TECPR2: variants seen among roughly 807,000 people sequenced by gnomAD.
TECPR2 encodes the protein tectonin beta-propeller repeat containing 2.
A neutral mutation model predicts 138.1 loss-of-function variants in TECPR2; 65 were observed. The observed-to-expected ratio is 0.47, with a 90% confidence interval of 0.39 to 0.58. The LOEUF is 0.58. TECPR2 is among the 20% of genes least tolerant of loss of function. The pLI, the probability that TECPR2 is intolerant of heterozygous loss-of-function variation, is 0.00. For missense variants in TECPR2, 1,553 were observed against 1,824.5 expected, an observed-to-expected ratio of 0.85 and a Z score of 2.71; for synonymous variants, 746 against 749.8, an observed-to-expected ratio of 0.99 and a Z score of 0.08.
At chr14:102,498,058 A>G in intron 19 of TECPR2, 45 bp from the exon 20 acceptor site, 8 of 1,049,050 alleles carry the variant, frequency 7.6e-6, no homozygotes, top group Middle Eastern at 2.7e-4. Flanking sequence ...CCCACCCCAC[A>G]GGCTGTGTGA....
At chr14:102,411,386 G>C (rs1343073573) in intron 4 of TECPR2, among the ~76,000 whole-genome samples, 1 of 152,242 alleles carries the variant, frequency 6.6e-6, no homozygotes, top group Non-Finnish European at 1.5e-5. Context: ...AATCACAAAA[G>C]AAGTGAATAT....
At chr14:102,378,858 C>T (rs1887710641) in intron 2 of TECPR2, among the ~76,000 whole-genome samples, 1 of 152,152 alleles carries the variant, frequency 6.6e-6, no homozygotes, top group Non-Finnish European at 1.5e-5. Flanking sequence ...CTCCTGACGT[C>T]AGGTGATCCA....
Position 102,449,567 on chromosome 14 carries a change from G to A in TECPR2, c.3076-62G>A, listed in dbSNP as rs76998408. On this transcript the variant is annotated intron_variant, in intron 13 of 19. Coordinates refer to ENST00000359520, the MANE Select transcript of TECPR2 (RefSeq NM_014844.5). ...ACCTGAGCTAGAACCTTCCCTCAAG[G>A]CAGAGAGTCTACACTTGTAACTGCT... 54,978 of 1,597,606 alleles carry A rather than the reference G, an allele frequency of 0.034. 1,112 individuals carry two copies. Among genetic ancestry groups the A allele is most frequent in the Admixed American group, 0.057 (3,366 of 59,442 alleles).
At chr14:102,451,914 C>T (rs993093804) in intron 15 of TECPR2, among the ~76,000 whole-genome samples, 55 of 152,082 alleles carry the variant, frequency 3.6e-4, no homozygotes, top group African/African-American at 9.9e-4. Flanking sequence ...CCCCACCCCC[C>T]GGCCCCATCC....
chr14:102,485,738 C>T (rs1891011672), intron 17 of TECPR2, among the ~76,000 whole-genome samples: 1 of 152,152 alleles, frequency 6.6e-6, no homozygotes, highest in Non-Finnish European at 1.5e-5. Context: ...GGAGCAGAGC[C>T]CAGAGATCAT....
chr14:102,498,355 T>G lies in TECPR2; in HGVS notation c.*98T>G. The G allele has an allele frequency of 1.4e-6, 2 of 1,399,994 alleles. No individual in the cohort carries two copies. Among genetic ancestry groups the G allele is most frequent in the Non-Finnish European group, 1.9e-6 (2 of 1,051,370 alleles). The allele number at this position is 1,399,994 out of a possible 1,614,324, so 86.7% of individuals were successfully genotyped here. The stretch of plus-strand genomic sequence containing the variant: ...GGTGGACGCGCTGCCTCAACACTTG[T>G]CCAGACACCTCTGGCCAGGTTGGAC... On this transcript the variant is annotated 3_prime_UTR_variant, in exon 20 of 20. Transcript: ENST00000359520.
chr14:102,493,976 C>G (rs1356524862), intron 17 of TECPR2, among the ~76,000 whole-genome samples: 1 of 152,232 alleles, frequency 6.6e-6, no homozygotes, highest in African/African-American at 2.4e-5. Context: ...GGCATCAACC[C>G]TAATGCCACC....
intron 2 of TECPR2, among the ~76,000 whole-genome samples, chr14:102,386,883 T>C (rs535815027): frequency 2.4e-4 from 36 of 152,314 alleles, no homozygotes; most frequent in African/African-American, 8.7e-4. Flanking sequence ...TCCCCACTTT[T>C]TATAGATAAA....
intron 5 of TECPR2, among the ~76,000 whole-genome samples, chr14:102,424,175 G>A (rs1329271176): frequency 6.6e-6 from 1 of 152,238 alleles, no homozygotes; most frequent in Non-Finnish European, 1.5e-5. Flanking sequence ...CTGGGCTACA[G>A]ACTTGCACCA....
intron 1 of TECPR2, among the ~76,000 whole-genome samples, chr14:102,367,944 A>G (rs1375880009): frequency 7.8e-6 from 1 of 127,426 alleles, no homozygotes; most frequent in Admixed American, 8.5e-5. Flanking sequence ...TTCGATTTGC[A>G]TTTCCCTGAT....
intron 10 of TECPR2, chr14:102,438,524 T>A: frequency 3.6e-6 from 1 of 274,606 alleles, no homozygotes; most frequent in Non-Finnish European, 6.8e-6. Context: ...GGGACTTTTT[T>A]AGGGATATTA....
rs67088231 is a variant in TECPR2 at position 102,434,070 on chromosome 14, G to A, written c.1418-165G>A. Among the ~76,000 whole-genome samples the A allele has an allele frequency of 0.091, 13,883 of 152,224 alleles. 891 individuals are homozygous for A. Among genetic ancestry groups the A allele is most frequent in the Middle Eastern group, 0.15 (45 of 294 alleles). On this transcript the variant is annotated intron_variant, in intron 8 of 19. Coordinates refer to ENST00000359520, the MANE Select transcript of TECPR2 (RefSeq NM_014844.5). Reference sequence around the variant, plus strand: ...TGTTCAGTACTTGCATGCATAGAAAGCATCTCTTTGTTGGGATTATTTGTA... The same window carrying A: ...TGTTCAGTACTTGCATGCATAGAAAACATCTCTTTGTTGGGATTATTTGTA...
intron 17 of TECPR2, among the ~76,000 whole-genome samples, chr14:102,493,672 C>T (rs1033509620): frequency 6.6e-6 from 1 of 152,216 alleles, no homozygotes; most frequent in Non-Finnish European, 1.5e-5. Flanking sequence ...TCCCTGGGGA[C>T]TCGGTCCTGG....
At chr14:102,399,521 C>T (rs1415639728) in intron 2 of TECPR2, among the ~76,000 whole-genome samples, 1 of 152,108 alleles carries the variant, frequency 6.6e-6, no homozygotes, top group East Asian at 1.9e-4. Flanking sequence ...AACAGTTACT[C>T]AAAGCCATAT....
chr14:102,424,772 C>G (rs1745038144), intron 5 of TECPR2, among the ~76,000 whole-genome samples: 2 of 152,188 alleles, frequency 1.3e-5, no homozygotes, highest in South Asian at 4.1e-4. Context: ...TAATGGGGCA[C>G]ACACCTGTGA....
At chr14:102,412,577 CA>C (rs1330244775) in intron 4 of TECPR2, among the ~76,000 whole-genome samples, 1 of 150,994 alleles carries the variant, frequency 6.6e-6, no homozygotes, top group Non-Finnish European at 1.5e-5. Context: ...GTGAGAGCAA[CA>C]AATACCATTA....
intron 17 of TECPR2, among the ~76,000 whole-genome samples, chr14:102,490,622 G>A (rs372586546): frequency 2.0e-5 from 3 of 152,172 alleles, no homozygotes; most frequent in Non-Finnish European, 4.4e-5. Context: ...GCTCCGCCCC[G>A]GCCTGGCGTC....
Position 102,499,118 on chromosome 14 carries a change from A to G in TECPR2, c.*861A>G. The G allele has an allele frequency of 1.4e-6, 1 of 702,972 alleles. No individual in the cohort carries two copies. The highest frequency in any genetic ancestry group is 2.6e-6 in the Non-Finnish European group (1 of 384,986). 43.5% of individuals were successfully genotyped at this position (702,972 alleles called of 1,614,324 possible). A position where few individuals can be genotyped will look rare whatever the true frequency, so the allele number is the denominator to read the frequency against. ...AGAGCACACTTCAGCTGAAACAGTA[A>G]AGCCTGATGGGTGCAAATGGAACCT... On this transcript the variant is annotated 3_prime_UTR_variant, in exon 20 of 20. Transcript: ENST00000359520.
chr14:102,452,745 T>G, intron 16 of TECPR2, 118 bp downstream of exon 16: 2 of 781,312 alleles, frequency 2.6e-6, no homozygotes, highest in South Asian at 3.4e-5. Context: ...TCTGAGGGGG[T>G]GTTTATAAGC....
Sources: allele counts gnomAD v4.1 joint callset (sites outside exome capture counted in the v4.1 genomes callset), GRCh38; gene constraint gnomAD v4.1.1; transcripts MANE v1.5; gene names NCBI Gene and HGNC (gene_info 2026-07-23, HGNC 2026-07-21).